Variants in SRGAP1 observed in about 807,000 individuals in gnomAD.
SRGAP1 encodes SLIT-ROBO Rho GTPase activating protein 1.
In SRGAP1, 43 loss-of-function variants were observed where a neutral mutation model predicts 121.9. That is an observed-to-expected ratio of 0.35 (90% confidence interval 0.28 to 0.46). The LOEUF is 0.46. Among genes scored for constraint, SRGAP1 ranks in the 20% least tolerant of loss-of-function variants. SRGAP1 has a pLI of 1.00. For missense variants in SRGAP1, 1,102 were observed against 1,350.9 expected (o/e 0.82, Z 2.89); for synonymous variants, 447 against 485.4 (o/e 0.92, Z 1.04).
At chr12:64,084,732 T>C (rs146200793) in intron 10 of SRGAP1, among the ~76,000 whole-genome samples, 8 of 152,280 alleles carry the variant, frequency 5.3e-5, no homozygotes, top group African/African-American at 1.9e-4. Flanking sequence ...ATTTTCTAAA[T>C]CTAGGGAATA....
rs1374613244 is a variant in SRGAP1 at position 64,150,346 on chromosome 12, CAG to C, written c.*7675_*7676del. 1 of 152,188 alleles carries C rather than the reference CAG, an allele frequency of 6.6e-6. No homozygotes were observed. The highest frequency in any genetic ancestry group is 1.5e-5 in the Non-Finnish European group (1 of 68,032). The allele number at this position is 152,188 out of a possible 1,614,324, so 9.4% of individuals were successfully genotyped here. A position where few individuals can be genotyped will look rare whatever the true frequency, so the allele number is the denominator to read the frequency against. ...TCCTTCACACCCAACAGCTGTCTAT[CAG>C]GGGTGCTTCCGAGGGTCACTGGGTT... is the stretch of plus-strand genomic sequence containing the variant. On this transcript the variant is annotated 3_prime_UTR_variant, in exon 22 of 22. Coordinates refer to ENST00000355086, the MANE Select transcript of SRGAP1 (RefSeq NM_020762.4).
chr12:63,896,111 A>G (rs1330656922), intron 1 of SRGAP1, among the ~76,000 whole-genome samples: 1 of 152,070 alleles, frequency 6.6e-6, no homozygotes, highest in African/African-American at 2.4e-5. Flanking sequence ...ACCTTATTTT[A>G]TCATCCATAA....
chr12:64,020,701 G>A (rs1278688406), intron 4 of SRGAP1, among the ~76,000 whole-genome samples: 1 of 152,012 alleles, frequency 6.6e-6, no homozygotes, highest in Non-Finnish European at 1.5e-5. Flanking sequence ...AAATTAGCCA[G>A]GCGTGGTGGC....
intron 1 of SRGAP1, among the ~76,000 whole-genome samples, chr12:63,917,234 ATTG>A (rs1388105646): frequency 2.0e-5 from 3 of 152,210 alleles, no homozygotes; most frequent in African/African-American, 4.8e-5. Context: ...AAGCGTTATT[ATTG>A]TTATGATGAG....
intron 1 of SRGAP1, among the ~76,000 whole-genome samples, chr12:63,871,286 T>C (rs1395991208): frequency 6.6e-6 from 1 of 152,214 alleles, no homozygotes; most frequent in African/African-American, 2.4e-5. Context: ...TGCTTTTTGC[T>C]TTGCCATTTT....
chr12:64,087,235 C>T (rs1275778775), intron 11 of SRGAP1, among the ~76,000 whole-genome samples: 1 of 152,106 alleles, frequency 6.6e-6, no homozygotes, highest in Non-Finnish European at 1.5e-5. Context: ...AATTGTAAAG[C>T]TCTTTAATAG....
intron 12 of SRGAP1, among the ~76,000 whole-genome samples, chr12:64,091,610 CTCTT>C (rs1379194883): frequency 2.0e-5 from 3 of 151,976 alleles, no homozygotes; most frequent in Non-Finnish European, 4.4e-5. Flanking sequence ...AAAGAAAGCC[CTCTT>C]TCTTTATTTT....
intron 1 of SRGAP1, among the ~76,000 whole-genome samples, chr12:63,869,532 A>G (rs1899779205): frequency 6.6e-6 from 1 of 152,056 alleles, no homozygotes; most frequent in African/African-American, 2.4e-5. Flanking sequence ...AACACCCCCA[A>G]ATACTCCCTA....
intron 1 of SRGAP1, among the ~76,000 whole-genome samples, chr12:63,970,810 A>G (rs2032924593): frequency 6.6e-6 from 1 of 152,176 alleles, no homozygotes; most frequent in Admixed American, 6.5e-5. Flanking sequence ...TCATTTCCTG[A>G]TAATTTCATT....
chr12:64,105,786 AAAC>A (rs368711512), intron 15 of SRGAP1, among the ~76,000 whole-genome samples: 3 of 152,024 alleles, frequency 2.0e-5, no homozygotes, highest in Non-Finnish European at 4.4e-5. Flanking sequence ...TCTGTCTCAA[AAAC>A]AACAACAACA....
At chr12:63,911,548 C>A (rs1359083052) in intron 1 of SRGAP1, among the ~76,000 whole-genome samples, 2 of 152,180 alleles carry the variant, frequency 1.3e-5, no homozygotes, top group Non-Finnish European at 2.9e-5. Flanking sequence ...AGCACTACAG[C>A]TGCTAAATTA....
intron 1 of SRGAP1, chr12:63,887,569 C>A (rs1212686736): frequency 2.0e-5 from 3 of 152,364 alleles, no homozygotes; most frequent in Admixed American, 1.3e-4. Context: ...CATTTGCTCC[C>A]TGACACCTGT....
chr12:63,950,996 A>ATT (rs566092286), intron 1 of SRGAP1, among the ~76,000 whole-genome samples: 1,487 of 131,962 alleles, frequency 0.011, 28 homozygotes, highest in African/African-American at 0.039. Flanking sequence ...CAATTGTCTG[A>ATT]TTTTTTTTTT....
chr12:64,080,609 C>T (rs1272155339), intron 10 of SRGAP1: 9 of 573,904 alleles, frequency 1.6e-5, no homozygotes, highest in Non-Finnish European at 2.5e-5. Flanking sequence ...AAGTCAATAC[C>T]GAGCTCCTAG....
rs141854046 is a variant in SRGAP1 at position 64,003,023 on chromosome 12, TGAGAGAGAGAGA to T, written c.426+12968_426+12979del. 2.9e-4 allele frequency among the ~76,000 whole-genome samples: 31 copies of T among 106,868 alleles called. 1 individual carries two copies. In the East Asian group the frequency reaches 3.1e-3, roughly 11 times the overall value. 70.1% of individuals were successfully genotyped at this position (106,868 alleles called of 152,430 possible). ...ATCTTGGGGGGGGTGTGTATGTGAG[TGAGAGAGAGAGA>T]GAGAGAGAGAGAGAGAAAGAGAGAA... On this transcript the variant is annotated intron_variant, in intron 3 of 21. Transcript: ENST00000355086.
chr12:64,129,148 A>G (rs1330431850), intron 21 of SRGAP1, among the ~76,000 whole-genome samples: 1 of 152,224 alleles, frequency 6.6e-6, no homozygotes, highest in East Asian at 1.9e-4. Context: ...GATTCTCTAG[A>G]GGGACAGAAT....
intron 1 of SRGAP1, among the ~76,000 whole-genome samples, chr12:63,943,517 T>G (rs1457622293): frequency 1.3e-5 from 2 of 152,212 alleles, no homozygotes; most frequent in Non-Finnish European, 2.9e-5. Context: ...AGTTAAATAA[T>G]TTTTCCAAGG....
At chr12:63,930,242 G>A (rs748011588) in intron 1 of SRGAP1, among the ~76,000 whole-genome samples, 1 of 149,596 alleles carries the variant, frequency 6.7e-6, no homozygotes, top group Non-Finnish European at 1.5e-5. Context: ...TATAATCCCA[G>A]CAGTTTGGGA....
chr12:63,871,991 C>A, intron 1 of SRGAP1: 1 of 940,296 alleles, frequency 1.1e-6, no homozygotes, highest in South Asian at 1.3e-5. Context: ...TATACTGTGT[C>A]ACTTCGTCAG....
Sources: allele counts gnomAD v4.1 joint callset (sites outside exome capture counted in the v4.1 genomes callset), GRCh38; gene constraint gnomAD v4.1.1; transcripts MANE v1.5; gene names NCBI Gene and HGNC (gene_info 2026-07-23, HGNC 2026-07-21).